SLC1A2: variants seen among roughly 807,000 people sequenced by gnomAD.
SLC1A2 encodes excitatory amino acid transporter 2.
A neutral mutation model predicts 48.8 loss-of-function variants in SLC1A2; 15 were observed. The observed-to-expected ratio is 0.31, with a 90% CI of 0.21 to 0.47. The LOEUF (loss-of-function observed/expected upper bound fraction) is 0.47. SLC1A2 is among the 20% of genes least tolerant of loss of function. The pLI is 0.99. For synonymous variants in SLC1A2, 279 were observed against 272.6 expected (o/e 1.02, Z -0.23); for missense variants, 502 against 730.5 (o/e 0.69, Z 3.61).
chr11:35,315,307 AAAC>A, intron 2 of SLC1A2, 132 bp from the exon 3 acceptor site: 1 of 611,518 alleles, frequency 1.6e-6, no homozygotes, highest in South Asian at 2.2e-5. Flanking sequence ...TGTGTAACAA[AAAC>A]AACATTAGAT....
At chr11:35,385,812 A>G (rs1854568629) in intron 1 of SLC1A2, among the ~76,000 whole-genome samples, 1 of 152,162 alleles carries the variant, frequency 6.6e-6, no homozygotes, top group African/African-American at 2.4e-5. Flanking sequence ...AATTTGGCTC[A>G]TCAAAGTTAG....
chr11:35,287,012 C>A (rs770570692), intron 7 of SLC1A2, 61 bp from the exon 8 acceptor site: 9 of 1,322,792 alleles, frequency 6.8e-6, no homozygotes, highest in Non-Finnish European at 9.7e-6. Context: ...CAGGACAATG[C>A]ATAAACTGGA....
At chr11:35,410,049 T>A (rs4144753) in intron 1 of SLC1A2, among the ~76,000 whole-genome samples, 73 of 152,128 alleles carry the variant, frequency 4.8e-4, no homozygotes, top group African/African-American at 1.7e-3. Flanking sequence ...GAGAACAGGA[T>A]TGGGGCCGGA....
intron 1 of SLC1A2, among the ~76,000 whole-genome samples, chr11:35,381,521 A>G (rs1854421632): frequency 6.6e-6 from 1 of 151,914 alleles, no homozygotes; most frequent in African/African-American, 2.4e-5. Flanking sequence ...CAGTTACCTT[A>G]CCCATAAAGA....
chr11:35,301,668 T>C (rs764982292), intron 5 of SLC1A2, 23 bp from the exon 6 acceptor site: 48 of 1,609,798 alleles, frequency 3.0e-5, no homozygotes, highest in African/African-American at 2.7e-5. Flanking sequence ...TCACATTACA[T>C]AGAAGGACAA....
At chr11:35,324,669 T>C (rs1407819893) in intron 1 of SLC1A2, among the ~76,000 whole-genome samples, 2 of 152,048 alleles carry the variant, frequency 1.3e-5, no homozygotes, top group Admixed American at 1.3e-4. Context: ...CCAGAGTGGG[T>C]GGGGGCCTGG....
At chr11:35,389,069 A>G (rs1303051607) in intron 1 of SLC1A2, among the ~76,000 whole-genome samples, 1 of 152,176 alleles carries the variant, frequency 6.6e-6, no homozygotes, top group Non-Finnish European at 1.5e-5. Context: ...AAACATGCAC[A>G]TGTACCCCTG....
intron 5 of SLC1A2, 124 bp downstream of exon 5, chr11:35,305,950 C>G (rs1438371607): frequency 1.3e-6 from 1 of 782,728 alleles, no homozygotes; most frequent in Non-Finnish European, 2.0e-6. Context: ...CCTCAAATTG[C>G]TCCCCAGAGA....
intron 1 of SLC1A2, chr11:35,322,880 C>T (rs973048963): frequency 3.2e-6 from 2 of 634,106 alleles, no homozygotes; most frequent in African/African-American, 3.7e-5. Context: ...TTAAAAGGGC[C>T]TGAAACTCTA....
chr11:35,392,901 T>C (rs780237359), intron 1 of SLC1A2, among the ~76,000 whole-genome samples: 2 of 152,230 alleles, frequency 1.3e-5, no homozygotes, highest in Non-Finnish European at 2.9e-5. Flanking sequence ...CACCAGGGCT[T>C]AAATCATAGA....
chr11:35,266,586 G>A (rs116182770), intron 9 of SLC1A2, among the ~76,000 whole-genome samples: 2,576 of 152,228 alleles, frequency 0.017, 59 homozygotes, highest in African/African-American at 0.057. Flanking sequence ...AAATTCTTAA[G>A]AGTAAGTTTT....
chr11:35,367,612 C>G (rs557980506), intron 1 of SLC1A2, among the ~76,000 whole-genome samples: 1 of 152,326 alleles, frequency 6.6e-6, no homozygotes, highest in South Asian at 2.1e-4. Context: ...ATTAAGAGAT[C>G]AGAAGAGAGA....
intron 1 of SLC1A2, among the ~76,000 whole-genome samples, chr11:35,368,719 A>C (rs1195056814): frequency 1.3e-5 from 2 of 152,226 alleles, no homozygotes; most frequent in Non-Finnish European, 2.9e-5. Flanking sequence ...CTTACACTGA[A>C]ATACAGAGAA....
At chr11:35,413,366 C>T (rs1384738236) in intron 1 of SLC1A2, among the ~76,000 whole-genome samples, 2 of 152,354 alleles carry the variant, frequency 1.3e-5, no homozygotes, top group African/African-American at 2.4e-5. Flanking sequence ...AATTCACCTA[C>T]TCTTTCTGTG....
intron 2 of SLC1A2, 102 bp downstream of exon 2, chr11:35,317,275 T>C (rs1851911488): frequency 1.9e-5 from 26 of 1,347,766 alleles, no homozygotes; most frequent in Non-Finnish European, 2.7e-5. Context: ...CCACGTGGCT[T>C]CCTTTCTGGT....
intron 9 of SLC1A2, among the ~76,000 whole-genome samples, chr11:35,278,146 A>G (rs113271416): frequency 0.042 from 6,421 of 152,232 alleles, 446 homozygotes; most frequent in African/African-American, 0.15. Flanking sequence ...ACCTTCCGCT[A>G]AAGGTATTTC....
chr11:35,272,133 AG>A (rs1299882044), intron 9 of SLC1A2, among the ~76,000 whole-genome samples: 27 of 152,204 alleles, frequency 1.8e-4, no homozygotes, highest in Admixed American at 1.8e-3. Flanking sequence ...TTGGTGGGGA[AG>A]AAGTAACTGA....
At chr11:35,360,076 T>C in intron 1 of SLC1A2, 6 of 985,328 alleles carry the variant, frequency 6.1e-6, no homozygotes, top group Non-Finnish European at 7.2e-6. Flanking sequence ...AACGTGCTGG[T>C]CACGTAGTGC....
chr11:35,276,580 C>T (rs1850448589), intron 9 of SLC1A2, among the ~76,000 whole-genome samples: 1 of 152,218 alleles, frequency 6.6e-6, no homozygotes, highest in South Asian at 2.1e-4. Flanking sequence ...GAGGGCCCAG[C>T]CCTCCTGTTT....
Sources: gnomAD v4.1 joint callset for allele counts (sites outside exome capture counted in the v4.1 genomes callset) on GRCh38, gnomAD v4.1.1 for gene constraint, MANE v1.5 for transcripts, NCBI Gene and HGNC (gene_info 2026-07-23, HGNC 2026-07-21) for gene names.